The following MUC15 variants were observed in gnomAD, a reference collection of about 807,000 sequenced individuals.
MUC15 encodes the protein mucin-15.
In MUC15, 23 loss-of-function variants were observed where a neutral mutation model predicts 24.0. The ratio of observed to expected loss-of-function variants is 0.96; its 90% CI spans 0.69 to 1.36. The LOEUF (loss-of-function observed/expected upper bound fraction) is 1.36. Among genes scored for constraint, MUC15 ranks in the 40% most tolerant of loss-of-function variants. The probability of loss-of-function intolerance (pLI) is 0.00; values close to 1 mark genes in which losing one functional copy is unlikely to be tolerated. For synonymous variants in MUC15, 151 were observed against 156.3 expected (o/e 0.97, Z 0.25); for missense variants, 442 against 428.2 (o/e 1.03, Z -0.29).
Position 26,561,010 on chromosome 11 carries a change from C to A in MUC15, c.*55G>T. 1 of 1,515,168 alleles carries A rather than the reference C, an allele frequency of 6.6e-7. No individual in the cohort carries two copies. Among genetic ancestry groups the A allele is most frequent in the South Asian group, 1.3e-5 (1 of 79,252 alleles). The allele number at this position is 1,515,168 out of a possible 1,614,324, so 93.9% of individuals were successfully genotyped here. A position where few individuals can be genotyped will look rare whatever the true frequency, so the allele number is the denominator to read the frequency against. On this transcript the variant is annotated 3_prime_UTR_variant, in exon 5 of 5. Coordinates refer to ENST00000529533, the MANE Select transcript of MUC15 (RefSeq NM_001135091.2). ...GTAACCTTTTGAAAGATGAATTTGT[C>A]AAAAGGCTAGGATGTAGATGACACT...
chr11:26,563,425 G>T (rs867882905), intron 3 of MUC15, among the ~76,000 whole-genome samples, 160 bp from the exon 4 acceptor site: 2 of 124,750 alleles, frequency 1.6e-5, no homozygotes, highest in South Asian at 5.2e-4. Flanking sequence ...GTGTGTGTGT[G>T]TGTGTGTCTT....
At chr11:26,563,404 T>A in intron 3 of MUC15, 139 bp from the exon 4 acceptor site, 2 of 299,282 alleles carry the variant, frequency 6.7e-6, no homozygotes, top group South Asian at 1.2e-4. Context: ...TCTGTGTGTG[T>A]GTGTGTGTGT....
At chr11:26,561,248 C>G (rs1365160662) in intron 4 of MUC15, 23 bp from the exon 5 acceptor site, 1 of 1,581,234 alleles carries the variant, frequency 6.3e-7, no homozygotes. Context: ...CAAAATAATA[C>G]TGTTTCACAG....
chr11:26,567,727 G>A (rs181254528), intron 1 of MUC15, among the ~76,000 whole-genome samples: 12 of 152,024 alleles, frequency 7.9e-5, no homozygotes, highest in African/African-American at 2.4e-4. Flanking sequence ...GCAGACATAT[G>A]AGAACATTCA....
At chr11:26,566,817 A>G (rs542867540) in intron 2 of MUC15, among the ~76,000 whole-genome samples, 2 of 151,976 alleles carry the variant, frequency 1.3e-5, no homozygotes, top group South Asian at 2.1e-4. Flanking sequence ...GACACAAATA[A>G]CTCATGAAAA....
In MUC15 at chr11:26,565,618, T is replaced by A. The variant is rs750199368; in HGVS notation, c.322A>T (p.Ser108Cys). The change falls in exon 3 of 5, where the codon AGC (serine) becomes TGC (cysteine). Residue 108 changes from serine (S) to cysteine (C), a missense_variant. By Grantham distance (112) the Ser-to-Cys change is moderately radical. Coordinates refer to ENST00000529533, the MANE Select transcript of MUC15 (RefSeq NM_001135091.2). ...CTGGAGAAATCTGTTATTCCGTGGCTGTTGTTGGGTAGATTCAAAGGAGGG... is the reference window on the plus strand; with the variant it reads ...CTGGAGAAATCTGTTATTCCGTGGCAGTTGTTGGGTAGATTCAAAGGAGGG... The part of the protein sequence containing the change: ...HSPPLNLPNN[S>C]HGITDFSSNS... The A allele has an allele frequency of 2.9e-5, 46 of 1,612,624 alleles. No individual in the cohort carries two copies. The highest frequency in any genetic ancestry group is 3.8e-5 in the Non-Finnish European group (45 of 1,179,192).
In MUC15 at chr11:26,560,210, T is replaced by TA. The variant is rs541613655; in HGVS notation, c.*854dup. 28 of 157,826 alleles carry TA rather than the reference T, an allele frequency of 1.8e-4. No individual in the cohort carries two copies. Among genetic ancestry groups the TA allele is most frequent in the South Asian group, 1.5e-3 (8 of 5,186 alleles). The allele number at this position is 157,826 out of a possible 1,614,324, so 9.8% of individuals were successfully genotyped here. A position where few individuals can be genotyped will look rare whatever the true frequency, so the allele number is the denominator to read the frequency against. On this transcript the variant is annotated 3_prime_UTR_variant, in exon 5 of 5. Coordinates refer to ENST00000529533, the MANE Select transcript of MUC15 (RefSeq NM_001135091.2). ...AATCTATTCCATTATGATTGAGCAATAATGTCTAATACATAAGAAATCCAG... is the reference window on the plus strand; with the variant it reads ...AATCTATTCCATTATGATTGAGCAATAAATGTCTAATACATAAGAAATCCAG...
intron 1 of MUC15, among the ~76,000 whole-genome samples, chr11:26,567,690 GA>G (rs1268313178): frequency 1.3e-5 from 2 of 151,752 alleles, no homozygotes; most frequent in African/African-American, 4.8e-5. Context: ...TATCACTTAA[GA>G]AAAATCTACT....
Position 26,561,238 on chromosome 11 carries a change from CAAAAT to C in MUC15, c.926-18_926-14del. ...TCTAATCGCAGAACTAAAAAAGTAA[CAAAAT>C]AATACTGTTTCACAGTGATACTCTG... On this transcript the variant is annotated splice_polypyrimidine_tract_variant and intron_variant, in intron 4 of 4. Transcript: ENST00000529533. The C allele has an allele frequency of 6.3e-7, 1 of 1,589,658 alleles. No homozygotes were observed. Among genetic ancestry groups the C allele is most frequent in the East Asian group, 2.3e-5 (1 of 43,204 alleles).
intron 2 of MUC15, 124 bp downstream of exon 2, chr11:26,566,928 C>A: frequency 4.7e-6 from 4 of 852,770 alleles, no homozygotes; most frequent in Non-Finnish European, 4.8e-6. Flanking sequence ...GCACTCTAAA[C>A]AAGATCTAGC....
chr11:26,567,990 A>T (rs1299585547), intron 1 of MUC15, among the ~76,000 whole-genome samples: 1 of 152,016 alleles, frequency 6.6e-6, no homozygotes, highest in East Asian at 1.9e-4. Flanking sequence ...GGAAGTAAAC[A>T]GAATTGATTG....
chr11:26,564,301 T>G (rs935801606), intron 3 of MUC15, among the ~76,000 whole-genome samples: 3 of 151,614 alleles, frequency 2.0e-5, no homozygotes, highest in African/African-American at 7.3e-5. Context: ...ATTTCAGAAT[T>G]TAAAACTTTT....
At chr11:26,567,186 A>G in intron 1 of MUC15, 47 bp from the exon 2 acceptor site, 1 of 1,219,334 alleles carries the variant, frequency 8.2e-7, no homozygotes, top group Non-Finnish European at 1.1e-6. Flanking sequence ...AACTGACTCC[A>G]ATCTCATTAG....
chr11:26,564,563 AT>A (rs1218260595), intron 3 of MUC15, among the ~76,000 whole-genome samples: 1 of 149,796 alleles, frequency 6.7e-6, no homozygotes, highest in Non-Finnish European at 1.5e-5. Flanking sequence ...AATGGAAAAG[AT>A]TGACATAATC....
intron 2 of MUC15, 93 bp downstream of exon 2, chr11:26,566,959 A>T (rs767631871): frequency 6.2e-5 from 72 of 1,157,004 alleles, no homozygotes; most frequent in Non-Finnish European, 7.5e-5. Flanking sequence ...CACTTAATAG[A>T]TGCTAACCTC....
intron 2 of MUC15, 144 bp downstream of exon 2, chr11:26,566,908 T>A: frequency 3.3e-6 from 2 of 607,236 alleles, no homozygotes; most frequent in African/African-American, 1.9e-5. Context: ...ATGGGCTGAC[T>A]TAGGTAGCAG....
chr11:26,564,763 A>C (rs1197957646), intron 3 of MUC15, among the ~76,000 whole-genome samples: 3,715 of 98,756 alleles, frequency 0.038, 261 homozygotes, highest in Non-Finnish European at 0.057. Context: ...ATATATATAT[A>C]TATATATATA....
rs1429694301 is a variant in MUC15 at position 26,563,179 on chromosome 11, A to C, written c.862T>G (p.Cys288Gly). Residue 288 changes from cysteine to glycine, a missense_variant, in exon 4 of 5, where the codon TGT (cysteine) becomes GGT (glycine). Cys to Gly is a radical substitution (Grantham distance 159). Coordinates refer to ENST00000529533, the MANE Select transcript of MUC15 (RefSeq NM_001135091.2). The stretch of plus-strand genomic sequence containing the variant: ...AATGAATCCGTTTTCCTTTTTCCAC[A>C]CAACAAGTAGCCCACAAGAGTAAGC... ...SLLTLVGYLL[C>G]GKRKTDSFSH... 6.2e-7 allele frequency: 1 copy of C among 1,612,632 alleles called. No individual in the cohort carries two copies. Among genetic ancestry groups the C allele is most frequent in the South Asian group, 1.1e-5 (1 of 90,998 alleles).
At position 26,564,732 on chromosome 11, in the gene MUC15, C is replaced by CAT. The variant is rs66510170; in HGVS notation, c.775+431_775+432dup. ...ACACACACACACACACACACACACA[C>CAT]ATATATATATATATATATATATATA... On this transcript the variant is annotated intron_variant, in intron 3 of 4. Coordinates refer to ENST00000529533, the MANE Select transcript of MUC15 (RefSeq NM_001135091.2). Among the ~76,000 whole-genome samples, 30 of 25,410 alleles carry CAT rather than the reference C, an allele frequency of 1.2e-3. 1 individual carries two copies. Among genetic ancestry groups the CAT allele is most frequent in the East Asian group, 4.9e-3 (2 of 410 alleles). The allele number at this position is 25,410 out of a possible 152,430, so 16.7% of individuals were successfully genotyped here.
Sources: allele counts gnomAD v4.1 joint callset (sites outside exome capture counted in the v4.1 genomes callset), GRCh38; gene constraint gnomAD v4.1.1; transcripts MANE v1.5; gene names NCBI Gene and HGNC (gene_info 2026-07-23, HGNC 2026-07-21).